The following CRYBG3 variants were observed in gnomAD, a reference collection of about 807,000 sequenced individuals.
CRYBG3 encodes the protein crystallin beta-gamma domain containing 3.
In CRYBG3, 127 loss-of-function variants were observed where a neutral mutation model predicts 244.2. The observed-to-expected ratio is 0.52, with a 90% CI of 0.45 to 0.60. CRYBG3 has a LOEUF of 0.60. CRYBG3 is among the 20% of genes least tolerant of loss of function. CRYBG3 has a pLI of 0.00. For synonymous variants in CRYBG3, 1,132 were observed against 1,195.8 expected, an observed-to-expected ratio of 0.95 and a Z score of 1.10; for missense variants, 3,325 against 3,442.5, an observed-to-expected ratio of 0.97 and a Z score of 0.85.
At chr3:97,860,707 T>G (rs1313352102) in intron 2 of CRYBG3, among the ~76,000 whole-genome samples, 1 of 152,120 alleles carries the variant, frequency 6.6e-6, no homozygotes, top group Non-Finnish European at 1.5e-5. Context: ...GAAGTGTTCT[T>G]TGTTTCTTTG....
At chr3:97,888,305 C>A in intron 8 of CRYBG3, 36 bp from the exon 9 acceptor site, 1 of 1,275,280 alleles carries the variant, frequency 7.8e-7, no homozygotes, top group Non-Finnish European at 1.1e-6. Flanking sequence ...TAAAGCAGTA[C>A]TATTATACTT....
At chr3:97,910,064 G>GT (rs1170453356) in intron 15 of CRYBG3, among the ~76,000 whole-genome samples, 2 of 151,716 alleles carry the variant, frequency 1.3e-5, no homozygotes, top group African/African-American at 4.9e-5. Context: ...CTGCTCAGGG[G>GT]TCAGGGGTCA....
At chr3:97,886,451 T>C (rs2039507686) in intron 7 of CRYBG3, among the ~76,000 whole-genome samples, 180 bp from the exon 8 acceptor site, 1 of 152,138 alleles carries the variant, frequency 6.6e-6, no homozygotes, top group Admixed American at 6.5e-5. Flanking sequence ...CATTAACAGC[T>C]TTTTAGAAAA....
intron 8 of CRYBG3, among the ~76,000 whole-genome samples, chr3:97,887,217 C>T (rs1283947172): frequency 2.0e-5 from 3 of 152,088 alleles, no homozygotes; most frequent in East Asian, 1.9e-4. Context: ...GGCTACTAGC[C>T]GGTAAGCATG....
chr3:97,892,804 C>T (rs2039595904), intron 10 of CRYBG3, 56 bp from the exon 11 acceptor site: 2 of 892,034 alleles, frequency 2.2e-6, no homozygotes, highest in South Asian at 4.1e-5. Flanking sequence ...TCTTTGGTGT[C>T]ACTTAAGTAA....
At chr3:97,869,855 G>A (rs1038788246) in intron 3 of CRYBG3, among the ~76,000 whole-genome samples, 6 of 152,098 alleles carry the variant, frequency 3.9e-5, no homozygotes, top group Non-Finnish European at 7.4e-5. Context: ...AATTATTTCA[G>A]CTAAAATTTA....
Position 97,876,770 on chromosome 3 carries a change from AAC to A in CRYBG3, c.5580_5581del (p.His1860GlnfsTer10). The A allele has an allele frequency of 3.2e-6, 4 of 1,263,096 alleles. No individual in the cohort carries two copies. Among genetic ancestry groups the A allele is most frequent in the Non-Finnish European group, 4.0e-6 (4 of 1,006,798 alleles). The allele number at this position is 1,263,096 out of a possible 1,614,324, so 78.2% of individuals were successfully genotyped here. On this transcript the variant is annotated frameshift_variant, in exon 4 of 22. Coordinates refer to ENST00000389622, the MANE Select transcript of CRYBG3 (RefSeq NM_153605.4). LOFTEE classifies it high-confidence loss of function. Reference sequence around the variant, plus strand: ...GAAGATCGTGGTGAGAATATTGGGAAACACAAAGTGTTACCCGCAGTGGTAGA... The same window carrying A: ...GAAGATCGTGGTGAGAATATTGGGAAACAAAGTGTTACCCGCAGTGGTAGA...
At chr3:97,938,496 A>G (rs1024970954) in intron 19 of CRYBG3, among the ~76,000 whole-genome samples, 10 of 152,006 alleles carry the variant, frequency 6.6e-5, no homozygotes, top group African/African-American at 2.4e-4. Flanking sequence ...AGCCAATAAA[A>G]TATTAACCTA....
intron 3 of CRYBG3, among the ~76,000 whole-genome samples, chr3:97,869,214 G>A (rs951608692): frequency 2.0e-5 from 3 of 151,178 alleles, no homozygotes; most frequent in Non-Finnish European, 3.0e-5. Context: ...TTTTATATTC[G>A]CCATTCATTC....
At chr3:97,911,098 A>C (rs780221622) in intron 15 of CRYBG3, among the ~76,000 whole-genome samples, 4 of 152,186 alleles carry the variant, frequency 2.6e-5, no homozygotes, top group Non-Finnish European at 5.9e-5. Context: ...CCTGATTTTG[A>C]CTGATCTTTG....
rs1404557830 is a variant in CRYBG3 at position 97,873,054 on chromosome 3, T to G, written c.1860T>G (p.Ile620Met). The G allele has an allele frequency of 3.3e-6, 5 of 1,534,790 alleles. No homozygotes were observed. The highest frequency in any genetic ancestry group is 1.4e-5 in the African/African-American group (1 of 73,064). Residue 620 changes from isoleucine to methionine, a missense_variant, in exon 4 of 22, where the codon ATT (isoleucine) becomes ATG (methionine). Coordinates refer to ENST00000389622, the MANE Select transcript of CRYBG3 (RefSeq NM_153605.4). ...ELKFELNRSH[I>M]SETPLDSESP... ...AATTTGAACTTAATAGAAGTCACAT[T>G]TCAGAAACTCCTCTTGACTCTGAGA... is the stretch of plus-strand genomic sequence containing the variant.
chr3:97,912,324 C>A, intron 16 of CRYBG3, 48 bp downstream of exon 16: 1 of 957,942 alleles, frequency 1.0e-6, no homozygotes, highest in Non-Finnish European at 1.6e-6. Flanking sequence ...ATAACTAATA[C>A]TTTTAAATTT....
Position 97,872,855 on chromosome 3 carries a change from C to T in CRYBG3, c.1661C>T (p.Ser554Leu). 5 of 1,535,816 alleles carry T rather than the reference C, an allele frequency of 3.3e-6. No homozygotes were observed. The highest frequency in any genetic ancestry group is 4.4e-6 in the Non-Finnish European group (5 of 1,146,772). ...HVKAPEDKIE[S>L]LPKDTDQYFE... ...AAAGCTCCAGAAGATAAAATTGAGT[C>T]ATTACCCAAAGATACTGACCAATAC... Residue 554 changes from serine to leucine, a missense_variant, in exon 4 of 22, where the codon TCA becomes TTA. Transcript: ENST00000389622.
chr3:97,943,095 A>C (rs1224520711), intron 21 of CRYBG3, 131 bp from the exon 22 acceptor site: 1 of 612,338 alleles, frequency 1.6e-6, no homozygotes, highest in Non-Finnish European at 2.9e-6. Context: ...TCAGCTTCCC[A>C]TTTCAGACTT....
intron 10 of CRYBG3, among the ~76,000 whole-genome samples, chr3:97,891,183 T>C (rs1004035475): frequency 6.6e-6 from 1 of 152,132 alleles, no homozygotes; most frequent in Admixed American, 6.6e-5. Context: ...GAGAGTTCTT[T>C]AGGGGAAATT....
chr3:97,854,978 C>T (rs1218037516), intron 2 of CRYBG3, among the ~76,000 whole-genome samples: 2 of 151,956 alleles, frequency 1.3e-5, no homozygotes, highest in Non-Finnish European at 2.9e-5. Context: ...TATGATGTTA[C>T]CTGTGGATTT....
At position 97,848,523 on chromosome 3, in the gene CRYBG3, G is replaced by A. The variant is rs557814961; in HGVS notation, c.216+5262G>A. Among the ~76,000 whole-genome samples the A allele has an allele frequency of 1.1e-4, 17 of 152,184 alleles. No homozygotes were observed. In the South Asian group the frequency reaches 2.9e-3, roughly 26 times the overall value. ...TCACCGTGTTAGCCAGGATGGTCTC[G>A]ATCTTCTGTCCTCGTGATCCGCCTG... is the stretch of plus-strand genomic sequence containing the variant. On this transcript the variant is annotated intron_variant, in intron 2 of 21. Coordinates refer to ENST00000389622, the MANE Select transcript of CRYBG3 (RefSeq NM_153605.4).
chr3:97,941,802 A>G (rs1310973739), intron 20 of CRYBG3: 1 of 153,416 alleles, frequency 6.5e-6, no homozygotes, highest in Non-Finnish European at 1.4e-5. Flanking sequence ...CATTGGGAAT[A>G]GAACACTACT....
At chr3:97,825,801 G>C (rs936754130) in intron 1 of CRYBG3, among the ~76,000 whole-genome samples, 1 of 152,182 alleles carries the variant, frequency 6.6e-6, no homozygotes, top group African/African-American at 2.4e-5. Flanking sequence ...CTGTGGTGTA[G>C]GAGGTACTCT....
Sources: gnomAD v4.1 joint callset for allele counts (sites outside exome capture counted in the v4.1 genomes callset) on GRCh38, gnomAD v4.1.1 for gene constraint, MANE v1.5 for transcripts, NCBI Gene and HGNC (gene_info 2026-07-23, HGNC 2026-07-21) for gene names.